CTSZ: variants seen among roughly 807,000 people sequenced by gnomAD.
CTSZ encodes carboxypeptidase LB.
A neutral mutation model predicts 32.4 loss-of-function variants in CTSZ; 39 were observed. That is an observed-to-expected ratio of 1.20 (90% CI 0.93 to 1.57). The LOEUF is 1.57. CTSZ is among the 40% of genes most tolerant of loss of function. The probability of loss-of-function intolerance (pLI) is 0.00; values close to 1 mark genes in which losing one functional copy is unlikely to be tolerated. For synonymous variants in CTSZ, 168 were observed against 170.1 expected (o/e 0.99, Z 0.10); for missense variants, 397 against 419.6 (o/e 0.95, Z 0.47).
chr20:59,004,823 G>A lies in CTSZ; in HGVS notation c.307+1499C>T, dbSNP rs932490850. ...AGAAGGAGGTTTCAGGAGAAAGTGG[G>A]GTGAAGCAGTCATCCGCCCAGAGAG... On this transcript the variant is annotated intron_variant, in intron 2 of 5. Coordinates refer to ENST00000217131, the MANE Select transcript of CTSZ (RefSeq NM_001336.4). The surrounding 1 kb of genome is among the most constrained non-coding windows in gnomAD (Gnocchi z 5.6). Among the ~76,000 whole-genome samples, 10 of 152,010 alleles carry A rather than the reference G, an allele frequency of 6.6e-5. No homozygotes were observed. The highest frequency in any genetic ancestry group is 2.2e-4 in the African/African-American group (9 of 41,356).
chr20:58,996,751 T>C lies in CTSZ; in HGVS notation c.689A>G (p.Tyr230Cys). Reference sequence around the variant, plus strand: ...ATATGTGGTGTCCTGGTATTCGGCATAGATGCCTCCGGTGTAGTTAGCCAG... The same window carrying C: ...ATATGTGGTGTCCTGGTATTCGGCACAGATGCCTCCGGTGTAGTTAGCCAG... ...ERLANYTGGI[Y>C]AEYQDTTYIN... is the part of the protein sequence containing the mutation. The change falls in exon 5 of 6, where the codon TAT becomes TGT. Residue 230 changes from tyrosine to cysteine, a missense_variant. Coordinates refer to ENST00000217131, the MANE Select transcript of CTSZ (RefSeq NM_001336.4). The C allele has an allele frequency of 1.9e-6, 3 of 1,614,228 alleles. No individual in the cohort carries two copies. Among genetic ancestry groups the C allele is most frequent in the Non-Finnish European group, 2.5e-6 (3 of 1,180,038 alleles).
chr20:59,001,698 C>T (rs2091890350), intron 2 of CTSZ, 54 bp from the exon 3 acceptor site: 7 of 1,574,242 alleles, frequency 4.4e-6, no homozygotes, highest in African/African-American at 1.3e-5. Context: ...ACCCACTTCC[C>T]CGAACGGACC....
intron 2 of CTSZ, 67 bp downstream of exon 2, chr20:59,006,255 G>C (rs2091908184): frequency 1.3e-6 from 2 of 1,506,680 alleles, no homozygotes; most frequent in Non-Finnish European, 1.8e-6. Context: ...GGGCTGAGCT[G>C]CCTGGGCCTA....
intron 3 of CTSZ, among the ~76,000 whole-genome samples, chr20:58,999,009 T>G (rs188949654): frequency 1.0e-3 from 157 of 152,266 alleles, no homozygotes; most frequent in African/African-American, 3.7e-3. Context: ...GATGACTATT[T>G]ATCGCAATCA....
rs1200973211 is a variant in CTSZ, at chr20:59,006,312, G to A, written c.307+10C>T. Reference sequence around the variant, plus strand: ...CTTTCCTGGCCCACAGTCAAAGGGCGGCCACTCACCCGCCATAGCGCTGGT... The same window carrying A: ...CTTTCCTGGCCCACAGTCAAAGGGCAGCCACTCACCCGCCATAGCGCTGGT... On this transcript the variant is annotated intron_variant, in intron 2 of 5. Transcript: ENST00000217131. 6.3e-7 allele frequency: 1 copy of A among 1,596,936 alleles called. No individual in the cohort carries two copies. Among genetic ancestry groups the A allele is most frequent in the African/African-American group, 1.3e-5 (1 of 74,744 alleles).
Position 58,995,504 on chromosome 20 carries a change from G to A in CTSZ, c.*145C>T, listed in dbSNP as rs749203548. 1.8e-4 allele frequency: 119 copies of A among 654,456 alleles called. 2 individuals carry two copies. The highest frequency in any genetic ancestry group is 9.9e-5 in the Non-Finnish European group (37 of 375,028). The allele number at this position is 654,456 out of a possible 1,614,324, so 40.5% of individuals were successfully genotyped here. A position where few individuals can be genotyped will look rare whatever the true frequency, so the allele number is the denominator to read the frequency against. On this transcript the variant is annotated 3_prime_UTR_variant, in exon 6 of 6. Transcript: ENST00000217131. ...CCACTTTCAACTCTCAGGAACACTC[G>A]CAGCCAGTGCCACGCTGTCCTCGCC...
chr20:59,000,637 G>A (rs760505142), intron 3 of CTSZ, among the ~76,000 whole-genome samples: 15 of 151,986 alleles, frequency 9.9e-5, no homozygotes, highest in Non-Finnish European at 1.9e-4. Flanking sequence ...CTCCCCACCT[G>A]CTCTCCACCA....
At chr20:59,006,715 C>T (rs1006855239) in intron 1 of CTSZ, among the ~76,000 whole-genome samples, 20 of 152,200 alleles carry the variant, frequency 1.3e-4, no homozygotes, top group Admixed American at 2.0e-4. Flanking sequence ...CCGGGTTGCT[C>T]CCCCAGCCAT....
At chr20:58,997,327 G>A (rs2091865880) in intron 4 of CTSZ, 2 of 313,472 alleles carry the variant, frequency 6.4e-6, no homozygotes, top group Admixed American at 4.9e-5. Flanking sequence ...TCCGCATTCC[G>A]CACAACCATC....
In CTSZ at chr20:58,997,768, GAA is replaced by G; in HGVS notation, c.488-17_488-16del. On this transcript the variant is annotated splice_polypyrimidine_tract_variant and intron_variant, in intron 3 of 5. Coordinates refer to ENST00000217131, the MANE Select transcript of CTSZ (RefSeq NM_001336.4). ...CTTGTCACACTCTGGGGGAGAGCAA[GAA>G]AAGTCAGCATGAGGCCGTCTCCTCA... 6.3e-7 allele frequency: 1 copy of G among 1,582,472 alleles called. No individual in the cohort carries two copies. The highest frequency in any genetic ancestry group is 8.6e-7 in the Non-Finnish European group (1 of 1,164,562).
At chr20:58,999,483 G>T (rs531697456) in intron 3 of CTSZ, among the ~76,000 whole-genome samples, 1 of 146,532 alleles carries the variant, frequency 6.8e-6, no homozygotes, top group South Asian at 2.2e-4. Flanking sequence ...TGCTTCCAGA[G>T]CCATCTGATA....
At chr20:58,995,830 CT>C (rs2146359461) in intron 5 of CTSZ, 71 bp from the exon 6 acceptor site, 1 of 1,372,792 alleles carries the variant, frequency 7.3e-7, no homozygotes, top group Non-Finnish European at 1.0e-6. Context: ...CGTCAGCCCC[CT>C]GCCCCCTGCT....
intron 2 of CTSZ, 71 bp from the exon 3 acceptor site, chr20:59,001,715 C>T: frequency 2.0e-6 from 3 of 1,521,486 alleles, no homozygotes; most frequent in Non-Finnish European, 2.7e-6. Context: ...GACCTGGACG[C>T]CTCAGGCGGG....
intron 4 of CTSZ, 105 bp from the exon 5 acceptor site, chr20:58,996,906 C>T (rs1004056693): frequency 7.5e-7 from 1 of 1,333,120 alleles, no homozygotes; most frequent in Non-Finnish European, 1.0e-6. Context: ...CCTGTAATTC[C>T]AGCACTTTGG....
chr20:59,003,125 G>A (rs2091896513), intron 2 of CTSZ, among the ~76,000 whole-genome samples: 1 of 152,214 alleles, frequency 6.6e-6, no homozygotes. Context: ...CCATCCTTCT[G>A]GAAGCACCTC....
chr20:59,006,926 C>T, intron 1 of CTSZ, 60 bp downstream of exon 1: 2 of 1,326,380 alleles, frequency 1.5e-6, no homozygotes, highest in Non-Finnish European at 1.9e-6. Context: ...GCAGAGCGCG[C>T]GCCTGGCCCG....
In CTSZ at chr20:59,002,667, G is replaced by A. The variant is rs2091894376; in HGVS notation, c.308-1023C>T. The stretch of plus-strand genomic sequence containing the variant: ...GGCCTTCTGGAACTGTCCCTGCTCT[G>A]GTGACTTCACGCATCACTGAAAAGT... On this transcript the variant is annotated intron_variant, in intron 2 of 5. Transcript: ENST00000217131. The surrounding 1 kb of genome is among the most constrained non-coding windows in gnomAD (Gnocchi z 4.1). 6.6e-6 allele frequency among the ~76,000 whole-genome samples: 1 copy of A among 151,314 alleles called. No individual in the cohort carries two copies. The highest frequency in any genetic ancestry group is 1.5e-5 in the Non-Finnish European group (1 of 68,000).
In CTSZ at chr20:58,996,702, A is replaced by G. The variant is rs1298089431; in HGVS notation, c.738T>C (p.Ala246=). The change falls in exon 5 of 6, where the codon GCT becomes GCC. Residue 246 remains alanine (A), a synonymous_variant. Coordinates refer to ENST00000217131, the MANE Select transcript of CTSZ (RefSeq NM_001336.4). The stretch of plus-strand genomic sequence containing the variant: ...CAGTCCCATCACTGATGCCCCACCC[A>G]GCCACAGAAACGACATGGTTTATAT... ...TTYINHVVSV[A]GWGISDGTEY... is the part of the protein sequence containing the mutation. 1 of 1,614,146 alleles carries G rather than the reference A, an allele frequency of 6.2e-7. No individual in the cohort carries two copies. Among genetic ancestry groups the G allele is most frequent in the Non-Finnish European group, 8.5e-7 (1 of 1,180,014 alleles).
rs1358154193 is a variant in CTSZ at position 59,002,208 on chromosome 20, G to A, written c.308-564C>T. Among the ~76,000 whole-genome samples, 1 of 152,204 alleles carries A rather than the reference G, an allele frequency of 6.6e-6. No individual in the cohort carries two copies. The highest frequency in any genetic ancestry group is 1.5e-5 in the Non-Finnish European group (1 of 68,012). ...CTGGGGGATGCAGAGGGCTCCCAGCGGCTGGCTGACCATGCCCTCACTGCC... is the reference window on the plus strand; with the variant it reads ...CTGGGGGATGCAGAGGGCTCCCAGCAGCTGGCTGACCATGCCCTCACTGCC... On this transcript the variant is annotated intron_variant, in intron 2 of 5. Transcript: ENST00000217131. The surrounding 1 kb of genome is among the most constrained non-coding windows in gnomAD (Gnocchi z 4.1).
Sources: allele counts gnomAD v4.1 joint callset (sites outside exome capture counted in the v4.1 genomes callset), GRCh38; gene constraint gnomAD v4.1.1; non-coding constraint Gnocchi (gnomAD v3.1); transcripts MANE v1.5; gene names NCBI Gene and HGNC (gene_info 2026-07-23, HGNC 2026-07-21).